Variants in EPB41L4A observed in about 807,000 individuals in gnomAD.
The protein encoded by EPB41L4A is band 4.1-like protein 4A.
Under a neutral mutation model 108.6 loss-of-function variants are expected in EPB41L4A, and 100 were observed. The observed-to-expected ratio is 0.92, with a 90% CI of 0.78 to 1.09. EPB41L4A has a LOEUF of 1.09. EPB41L4A is among the 50% of genes least tolerant of loss of function. The pLI is 0.00. For missense variants in EPB41L4A, 1,030 were observed against 842.7 expected, an observed-to-expected ratio of 1.22 and a Z score of -2.75; for synonymous variants, 319 against 289.0, an observed-to-expected ratio of 1.10 and a Z score of -1.05.
chr5:112,308,706 T>C (rs1754847594), intron 1 of EPB41L4A, among the ~76,000 whole-genome samples: 1 of 152,236 alleles, frequency 6.6e-6, no homozygotes. Flanking sequence ...TCTGTGCTCA[T>C]GTACCCATGT....
intron 12 of EPB41L4A, among the ~76,000 whole-genome samples, chr5:112,152,749 A>G (rs1412530447): frequency 2.0e-5 from 3 of 152,240 alleles, no homozygotes; most frequent in Non-Finnish European, 4.4e-5. Context: ...AATAGGAGGA[A>G]AAAAGATAAA....
chr5:112,327,362 A>G (rs1756241652), intron 1 of EPB41L4A, among the ~76,000 whole-genome samples: 1 of 152,240 alleles, frequency 6.6e-6, no homozygotes, highest in South Asian at 2.1e-4. Flanking sequence ...TTAAGGATGT[A>G]GCAATGTCAA....
chr5:112,400,782 C>G (rs1244351324), intron 1 of EPB41L4A, among the ~76,000 whole-genome samples: 1 of 152,018 alleles, frequency 6.6e-6, no homozygotes, highest in Non-Finnish European at 1.5e-5. Context: ...CATTTTGTAT[C>G]CCCCACAACA....
chr5:112,256,169 G>A (rs1185754080), intron 9 of EPB41L4A, among the ~76,000 whole-genome samples: 1 of 152,098 alleles, frequency 6.6e-6, no homozygotes, highest in African/African-American at 2.4e-5. Context: ...TAGTTCTCAA[G>A]GTATTCAGTG....
At chr5:112,296,811 T>C (rs1754015332) in intron 2 of EPB41L4A, among the ~76,000 whole-genome samples, 1 of 152,038 alleles carries the variant, frequency 6.6e-6, no homozygotes, top group African/African-American at 2.4e-5. Flanking sequence ...TCTTATGCCT[T>C]TGCATCCTCA....
intron 18 of EPB41L4A, among the ~76,000 whole-genome samples, chr5:112,178,077 T>C (rs1404207847): frequency 6.6e-6 from 1 of 150,868 alleles, no homozygotes; most frequent in East Asian, 1.9e-4. Context: ...CTGTACACTG[T>C]TTACAAGAGG....
intron 6 of EPB41L4A, 122 bp downstream of exon 6, chr5:112,264,774 G>A (rs760848892): frequency 8.8e-6 from 8 of 909,456 alleles, no homozygotes; most frequent in Non-Finnish European, 1.3e-5. Flanking sequence ...ACTATACAAA[G>A]AGGAGTATTA....
intron 22 of EPB41L4A, among the ~76,000 whole-genome samples, chr5:112,167,830 CCAGT>C (rs1229313577): frequency 6.6e-6 from 1 of 152,160 alleles, no homozygotes. Flanking sequence ...AGGCCTTGCT[CCAGT>C]CATTGATAAA....
At chr5:112,378,126 G>A (rs1409937300) in intron 1 of EPB41L4A, among the ~76,000 whole-genome samples, 1 of 152,140 alleles carries the variant, frequency 6.6e-6, no homozygotes, top group African/African-American at 2.4e-5. Flanking sequence ...AACATAAAAA[G>A]ATGAAAATCT....
chr5:112,295,617 A>T (rs1043646314), intron 2 of EPB41L4A, among the ~76,000 whole-genome samples: 15 of 152,240 alleles, frequency 9.9e-5, no homozygotes, highest in Admixed American at 7.8e-4. Context: ...GGAGAAGCAT[A>T]GGAAGACTTT....
chr5:112,390,406 G>C (rs114570470), intron 1 of EPB41L4A, among the ~76,000 whole-genome samples: 1 of 152,148 alleles, frequency 6.6e-6, no homozygotes, highest in African/African-American at 2.4e-5. Flanking sequence ...CCCGCACCTG[G>C]CTCAGTGGGT....
Position 112,302,128 on chromosome 5 carries a change from T to C in EPB41L4A, c.204+5258A>G, listed in dbSNP as rs1754400257. 3.9e-5 allele frequency among the ~76,000 whole-genome samples: 6 copies of C among 152,314 alleles called. No individual in the cohort carries two copies. The South Asian group carries it at 6.2e-4, about 16-fold the overall frequency. Reference sequence around the variant, plus strand: ...TTTGATTTTACAATGTCAGTATTTATGATAAACCAAAGATCTGGATCTACT... The same window carrying C: ...TTTGATTTTACAATGTCAGTATTTACGATAAACCAAAGATCTGGATCTACT... On this transcript the variant is annotated intron_variant, in intron 2 of 22. Transcript: ENST00000261486.
chr5:112,338,482 G>A (rs1490485861), intron 1 of EPB41L4A, among the ~76,000 whole-genome samples: 1 of 152,118 alleles, frequency 6.6e-6, no homozygotes, highest in African/African-American at 2.4e-5. Context: ...CCAGGTCGCT[G>A]CACCTGTGCT....
At chr5:112,181,737 A>G (rs184844436) in intron 18 of EPB41L4A, among the ~76,000 whole-genome samples, 51 of 152,334 alleles carry the variant, frequency 3.3e-4, no homozygotes, top group African/African-American at 1.2e-3. Context: ...GTGTTATTAC[A>G]TTTATATGAA....
chr5:112,349,403 G>A (rs1253308395), intron 1 of EPB41L4A, among the ~76,000 whole-genome samples: 1 of 152,090 alleles, frequency 6.6e-6, no homozygotes, highest in Non-Finnish European at 1.5e-5. Flanking sequence ...AGGGAAGGAG[G>A]TGCAAAGAGT....
At chr5:112,349,836 T>C (rs1055644185) in intron 1 of EPB41L4A, among the ~76,000 whole-genome samples, 2 of 152,156 alleles carry the variant, frequency 1.3e-5, no homozygotes, top group African/African-American at 2.4e-5. Context: ...CAGAAAGTTC[T>C]GGTCAAAGAG....
intron 1 of EPB41L4A, among the ~76,000 whole-genome samples, chr5:112,397,338 G>A (rs1172373225): frequency 1.3e-5 from 2 of 152,116 alleles, no homozygotes; most frequent in Non-Finnish European, 2.9e-5. Flanking sequence ...TCTAAGAACA[G>A]AAACAATGAT....
chr5:112,264,742 T>C (rs923264234), intron 6 of EPB41L4A, 154 bp downstream of exon 6: 3 of 664,720 alleles, frequency 4.5e-6, no homozygotes, highest in Non-Finnish European at 6.9e-6. Flanking sequence ...TCGATGAGCA[T>C]TTTAGAGTTA....
chr5:112,231,921 ACAGCAAGACCC>A (rs1411157765), intron 12 of EPB41L4A, among the ~76,000 whole-genome samples: 1 of 151,308 alleles, frequency 6.6e-6, no homozygotes, highest in Non-Finnish European at 1.5e-5. Context: ...CAGCCTAAAC[ACAGCAAGACCC>A]CATCTCTACA....
Sources: allele counts gnomAD v4.1 joint callset (sites outside exome capture counted in the v4.1 genomes callset), GRCh38; gene constraint gnomAD v4.1.1; transcripts MANE v1.5; gene names NCBI Gene and HGNC (gene_info 2026-07-23, HGNC 2026-07-21).